SMYD3: variants seen among roughly 807,000 people sequenced by gnomAD.
SMYD3 encodes SET and MYND domain containing 3.
Under a neutral mutation model 57.7 loss-of-function variants are expected in SMYD3, and 36 were observed. That is an observed-to-expected ratio of 0.62 (90% CI 0.48 to 0.82). SMYD3 has a LOEUF of 0.82. SMYD3 is among the 40% of genes least tolerant of loss of function. The pLI is 0.00. For missense variants in SMYD3, 515 were observed against 538.8 expected, an observed-to-expected ratio of 0.96 and a Z score of 0.44; for synonymous variants, 211 against 195.0, an observed-to-expected ratio of 1.08 and a Z score of -0.68.
At chr1:246,007,935 A>G (rs891787148) in intron 5 of SMYD3, among the ~76,000 whole-genome samples, 3 of 152,228 alleles carry the variant, frequency 2.0e-5, no homozygotes, top group African/African-American at 7.2e-5. Flanking sequence ...TAAAAATGAC[A>G]GTAATCAGTT....
chr1:246,459,391 T>A (rs940995624), intron 1 of SMYD3, among the ~76,000 whole-genome samples: 3 of 151,592 alleles, frequency 2.0e-5, no homozygotes, highest in Non-Finnish European at 4.4e-5. Context: ...GCTCTGCTGT[T>A]CTCCTGACAG....
At chr1:246,485,893 T>C (rs1451189764) in intron 1 of SMYD3, among the ~76,000 whole-genome samples, 3 of 152,334 alleles carry the variant, frequency 2.0e-5, no homozygotes, top group Admixed American at 1.3e-4. Context: ...TCACTTTTCT[T>C]ATCTGTAAAA....
chr1:246,361,698 G>C (rs2065989433), intron 1 of SMYD3, among the ~76,000 whole-genome samples: 1 of 152,188 alleles, frequency 6.6e-6, no homozygotes, highest in African/African-American at 2.4e-5. Context: ...CTCAGGAATG[G>C]AAAACCAAAC....
At chr1:245,962,813 CT>C (rs1334706924) in intron 5 of SMYD3, among the ~76,000 whole-genome samples, 3 of 125,530 alleles carry the variant, frequency 2.4e-5, no homozygotes, top group Non-Finnish European at 3.6e-5. Flanking sequence ...GGGCTTACTT[CT>C]GATATTTTAA....
At chr1:245,856,860 A>G (rs9726694) in intron 10 of SMYD3, among the ~76,000 whole-genome samples, 127,993 of 151,846 alleles carry the variant, frequency 0.84, 54,830 homozygotes, top group Non-Finnish European at 0.9. Context: ...TTCAGTCTGC[A>G]TCTTTTGGAT....
rs539380530 is a variant in SMYD3, at chr1:246,357,868, G to A, written c.165-2774C>T. Among the ~76,000 whole-genome samples the A allele has an allele frequency of 7.7e-4, 117 of 152,144 alleles. 1 individual carries two copies. Among genetic ancestry groups the A allele is most frequent in the African/African-American group, 2.7e-3 (112 of 41,492 alleles). On this transcript the variant is annotated intron_variant, in intron 1 of 11. Transcript: ENST00000490107. ...ACCAAAATAGAACCTCCTTAAAACA[G>A]AAATTTCACAGGACCTACATAACAA... is the stretch of plus-strand genomic sequence containing the variant.
chr1:245,846,416 A>G (rs1223229747), intron 10 of SMYD3, among the ~76,000 whole-genome samples: 1 of 152,236 alleles, frequency 6.6e-6, no homozygotes, highest in Non-Finnish European at 1.5e-5. Flanking sequence ...GGTATAGTGG[A>G]AAGACCACTA....
At position 245,951,425 on chromosome 1, in the gene SMYD3, T is replaced by C. The variant is rs59877525; in HGVS notation, c.532-21488A>G. The stretch of plus-strand genomic sequence containing the variant: ...TCTACTAAAAATACAAAAAATTAGC[T>C]GGGCGAGGTGGTGCACGCCTGTAGT... On this transcript the variant is annotated intron_variant, in intron 5 of 11. Coordinates refer to ENST00000490107, the MANE Select transcript of SMYD3 (RefSeq NM_001167740.2). Among the ~76,000 whole-genome samples the C allele has an allele frequency of 2.3e-4, 32 of 137,490 alleles. 3 individuals carry two copies. The highest frequency in any genetic ancestry group is 5.6e-4 in the Admixed American group (8 of 14,344). The allele number at this position is 137,490 out of a possible 152,430, so 90.2% of individuals were successfully genotyped here.
intron 1 of SMYD3, among the ~76,000 whole-genome samples, chr1:246,427,259 G>A (rs1162131179): frequency 2.0e-5 from 3 of 152,144 alleles, no homozygotes; most frequent in African/African-American, 7.2e-5. Flanking sequence ...AGTGGCTCAC[G>A]CCTGTAATCC....
At position 245,784,789 on chromosome 1, in the gene SMYD3, T is replaced by TACAAGA. The variant is rs1363290284; in HGVS notation, c.1077-20646_1077-20641dup. On this transcript the variant is annotated intron_variant, in intron 10 of 11. Coordinates refer to ENST00000490107, the MANE Select transcript of SMYD3 (RefSeq NM_001167740.2). The stretch of plus-strand genomic sequence containing the variant: ...TTCACTTCTGCTGCATTCTAGCAGT[T>TACAAGA]ACAAGAGCTTCATTTAGGGAAAACC... Among the ~76,000 whole-genome samples, 3 of 151,894 alleles carry TACAAGA rather than the reference T, an allele frequency of 2.0e-5. No homozygotes were observed. The East Asian group carries it at 5.8e-4, about 29-fold the overall frequency.
At chr1:246,011,168 G>C (rs1357253283) in intron 5 of SMYD3, among the ~76,000 whole-genome samples, 1 of 152,164 alleles carries the variant, frequency 6.6e-6, no homozygotes, top group Non-Finnish European at 1.5e-5. Flanking sequence ...AAACTTTTGT[G>C]ATCTGAATTC....
chr1:246,353,529 A>T (rs1217069038), intron 2 of SMYD3, among the ~76,000 whole-genome samples: 1 of 152,194 alleles, frequency 6.6e-6, no homozygotes, highest in African/African-American at 2.4e-5. Context: ...ACTGTCCCCA[A>T]ATAAAAACCC....
intron 1 of SMYD3, among the ~76,000 whole-genome samples, chr1:246,405,271 C>A (rs1430758514): frequency 6.6e-6 from 1 of 152,120 alleles, no homozygotes; most frequent in Non-Finnish European, 1.5e-5. Flanking sequence ...GATATTTTTA[C>A]ACGTATACAC....
intron 5 of SMYD3, among the ~76,000 whole-genome samples, chr1:246,036,415 T>C (rs998530148): frequency 4.6e-5 from 7 of 152,224 alleles, no homozygotes; most frequent in African/African-American, 1.7e-4. Flanking sequence ...AATTTCATCA[T>C]TTCTTGGGAT....
At chr1:246,133,223 C>T (rs1339518074) in intron 5 of SMYD3, among the ~76,000 whole-genome samples, 1 of 151,874 alleles carries the variant, frequency 6.6e-6, no homozygotes, top group Non-Finnish European at 1.5e-5. Context: ...AACAACTGAA[C>T]ATTTGATTGA....
intron 5 of SMYD3, among the ~76,000 whole-genome samples, chr1:246,059,032 G>A (rs2060204723): frequency 6.6e-6 from 1 of 152,036 alleles, no homozygotes; most frequent in Non-Finnish European, 1.5e-5. Context: ...CCGCCACCAT[G>A]CCCGGCTAAA....
intron 8 of SMYD3, among the ~76,000 whole-genome samples, chr1:245,878,679 A>G (rs181517324): frequency 6.6e-6 from 1 of 152,312 alleles, no homozygotes; most frequent in East Asian, 1.9e-4. Context: ...CAACTTGGCA[A>G]GGAGGAAGCC....
chr1:245,798,137 T>C (rs1005825468), intron 10 of SMYD3, among the ~76,000 whole-genome samples: 3 of 151,914 alleles, frequency 2.0e-5, no homozygotes, highest in Non-Finnish European at 4.4e-5. Context: ...GGCTATTTCA[T>C]ATTCCAGGAA....
chr1:246,472,551 T>C (rs1296205792), intron 1 of SMYD3, among the ~76,000 whole-genome samples: 1 of 152,118 alleles, frequency 6.6e-6, no homozygotes, highest in South Asian at 2.1e-4. Flanking sequence ...GAGACCAGCC[T>C]AGGCAACAGA....
Sources: allele counts gnomAD v4.1 joint callset (sites outside exome capture counted in the v4.1 genomes callset), GRCh38; gene constraint gnomAD v4.1.1; transcripts MANE v1.5; gene names NCBI Gene and HGNC (gene_info 2026-07-23, HGNC 2026-07-21).